JAKMIP3: variants seen among roughly 807,000 people sequenced by gnomAD.
The protein encoded by JAKMIP3 is Janus kinase and microtubule interacting protein 3.
JAKMIP3 carries 58 observed loss-of-function variants against 118.5 expected under a neutral mutation model. The observed-to-expected ratio is 0.49, with a 90% confidence interval of 0.40 to 0.61. The LOEUF (loss-of-function observed/expected upper bound fraction) is 0.61. Ranked by LOEUF, JAKMIP3 falls within the 20% of genes least tolerant of loss-of-function variation. The pLI, the probability that JAKMIP3 is intolerant of heterozygous loss-of-function variation, is 0.00. For missense variants in JAKMIP3, 950 were observed against 1,109.0 expected (o/e 0.86, Z 2.04); for synonymous variants, 486 against 451.2 (o/e 1.08, Z -0.98).
Position 132,163,083 on chromosome 10 carries a change from C to T in JAKMIP3, c.2221-126C>T, listed in dbSNP as rs549081736. The T allele has an allele frequency of 1.8e-4, 156 of 886,810 alleles. 2 individuals carry two copies. Among genetic ancestry groups the T allele is most frequent in the African/African-American group, 1.5e-3 (90 of 60,590 alleles). The allele number at this position is 886,810 out of a possible 1,614,324, so 54.9% of individuals were successfully genotyped here. A position where few individuals can be genotyped will look rare whatever the true frequency, so the allele number is the denominator to read the frequency against. On this transcript the variant is annotated intron_variant, in intron 19 of 23. Transcript: ENST00000684848. ...TTCTGCAGAGGCCACAGCACTGGGTCCCTCCCTGTTGCATATCCTCTTGGC... is the reference window on the plus strand; with the variant it reads ...TTCTGCAGAGGCCACAGCACTGGGTTCCTCCCTGTTGCATATCCTCTTGGC...
intron 2 of JAKMIP3, among the ~76,000 whole-genome samples, chr10:132,107,297 C>T (rs575567351): frequency 6.6e-6 from 1 of 152,352 alleles, no homozygotes; most frequent in Admixed American, 6.5e-5. Flanking sequence ...ATTTTTTGTG[C>T]AGTTTTGCCA....
intron 4 of JAKMIP3, 123 bp from the exon 5 acceptor site, chr10:132,134,918 C>T (rs1285565669): frequency 1.4e-5 from 17 of 1,234,044 alleles, no homozygotes; most frequent in Non-Finnish European, 1.9e-5. Flanking sequence ...TTCCCGGCAG[C>T]CGCGTGGAGG....
chr10:132,076,358 G>A (rs1400266963), intron 1 of JAKMIP3, among the ~76,000 whole-genome samples: 1 of 152,266 alleles, frequency 6.6e-6, no homozygotes, highest in Non-Finnish European at 1.5e-5. Flanking sequence ...TTTCATTGCT[G>A]GAATAATATC....
chr10:132,180,708 CGCGTGTGTGT>C lies in JAKMIP3; in HGVS notation c.*1104-1629_*1104-1620del, dbSNP rs1365047555. On this transcript the variant is annotated intron_variant, in intron 23 of 23. Coordinates refer to ENST00000684848, the MANE Select transcript of JAKMIP3 (RefSeq NM_001323087.2). ...GTGTGTGTGCGTGCGTGTGTGTGTG[CGCGTGTGTGT>C]GCGTGTGTGTGCGTGTGTGCGTGCG... Among the ~76,000 whole-genome samples, 8 of 12,744 alleles carry C rather than the reference CGCGTGTGTGT, an allele frequency of 6.3e-4. 3 individuals carry two copies. The highest frequency in any genetic ancestry group is 0.045 in the Middle Eastern group (1 of 22). 8.4% of individuals were successfully genotyped at this position (12,744 alleles called of 152,430 possible).
At position 132,104,913 on chromosome 10, in the gene JAKMIP3, C is replaced by T. The variant is rs746152484; in HGVS notation, c.105C>T (p.Ile35=). The T allele has an allele frequency of 2.5e-5, 40 of 1,590,908 alleles. No homozygotes were observed. Among genetic ancestry groups the T allele is most frequent in the South Asian group, 1.3e-4 (11 of 87,140 alleles). ...ATCTTCGAGCCAAGCTCACAGACATCCAGATCGAGCTGCAGCAGGAGAAGA... is the reference window on the plus strand; with the variant it reads ...ATCTTCGAGCCAAGCTCACAGACATTCAGATCGAGCTGCAGCAGGAGAAGA... ...NEDLRAKLTD[I]QIELQQEKSK... The change falls in exon 2 of 24, where the codon ATC becomes ATT. Residue 35 remains isoleucine, a synonymous_variant. Coordinates refer to ENST00000684848, the MANE Select transcript of JAKMIP3 (RefSeq NM_001323087.2).
chr10:132,095,762 G>A (rs1259170995), intron 1 of JAKMIP3, among the ~76,000 whole-genome samples: 1 of 152,198 alleles, frequency 6.6e-6, no homozygotes, highest in Non-Finnish European at 1.5e-5. Context: ...TCCTCCTCCT[G>A]GGTGTTTACT....
chr10:132,180,825 T>C (rs989878292), intron 23 of JAKMIP3, among the ~76,000 whole-genome samples: 1 of 148,994 alleles, frequency 6.7e-6, no homozygotes, highest in Non-Finnish European at 1.5e-5. Context: ...TGTATGCATG[T>C]GTGTATATAT....
At chr10:132,114,319 A>G in intron 2 of JAKMIP3, among the ~76,000 whole-genome samples, 1 of 152,236 alleles carries the variant, frequency 6.6e-6, no homozygotes, top group Admixed American at 6.5e-5. Flanking sequence ...GGCTCAAGCA[A>G]TCCTCCCACT....
intron 19 of JAKMIP3, among the ~76,000 whole-genome samples, chr10:132,159,539 AG>A (rs2057632468): frequency 1.9e-4 from 5 of 25,958 alleles, no homozygotes; most frequent in Non-Finnish European, 2.2e-4. Flanking sequence ...TGATGCTGGG[AG>A]GGTCTCTCCC....
At chr10:132,068,761 T>G (rs2039345024) in intron 1 of JAKMIP3, among the ~76,000 whole-genome samples, 1 of 152,166 alleles carries the variant, frequency 6.6e-6, no homozygotes, top group Non-Finnish European at 1.5e-5. Context: ...GGAGCTGAGT[T>G]CTTGATTGCC....
chr10:132,180,646 CGTGTGCGT>C (rs1234187343), intron 23 of JAKMIP3, among the ~76,000 whole-genome samples: 5 of 8,312 alleles, frequency 6.0e-4, no homozygotes, highest in Admixed American at 1.1e-3. Flanking sequence ...TGCGTGTGTG[CGTGTGCGT>C]GTGCGTGTGT....
intron 2 of JAKMIP3, among the ~76,000 whole-genome samples, chr10:132,113,476 C>T (rs2047172172): frequency 6.6e-6 from 1 of 152,238 alleles, no homozygotes. Flanking sequence ...ACAAAGCGGC[C>T]ACCTGGCTGT....
At chr10:132,062,249 G>A (rs980156967), upstream of JAKMIP3, among the ~76,000 whole-genome samples, 1 of 152,232 alleles carries the variant, frequency 6.6e-6, no homozygotes, top group Non-Finnish European at 1.5e-5. Context: ...TCAGGCTTGG[G>A]AGGTGTCGGG....
chr10:132,071,068 A>G (rs1302592943), intron 1 of JAKMIP3, among the ~76,000 whole-genome samples: 2 of 152,050 alleles, frequency 1.3e-5, no homozygotes, highest in South Asian at 2.1e-4. Flanking sequence ...GTGTCCTGCA[A>G]CTTCTGGTAT....
rs1041858138 is a variant in JAKMIP3 at position 132,057,406 on chromosome 10, C to T, written c.-138+20668C>T. ...TCCTGTGGTTCCAGGAAGCCCAGAG[C>T]CCAGCGTGGGCAGGAGCACGCCGCC... On this transcript the variant is annotated intron_variant, in intron 1 of 23. Coordinates refer to the JAKMIP3 transcript ENST00000657785. Among the ~76,000 whole-genome samples the T allele has an allele frequency of 3.3e-5, 5 of 152,334 alleles. No homozygotes were observed. In the South Asian group the frequency reaches 1.0e-3, roughly 32 times the overall value.
At chr10:132,158,435 C>G (rs1357445141) in intron 19 of JAKMIP3, among the ~76,000 whole-genome samples, 1 of 152,228 alleles carries the variant, frequency 6.6e-6, no homozygotes, top group Non-Finnish European at 1.5e-5. Context: ...CCAGCTTCAG[C>G]TTTCTGTGAG....
At position 132,168,114 on chromosome 10, in the gene JAKMIP3, G is replaced by A. The variant is rs763798189; in HGVS notation, c.*184G>A. On this transcript the variant is annotated 3_prime_UTR_variant, in exon 23 of 24. Transcript: ENST00000684848. ...GCAGTGTGTGGGGCGTGGAGCTGCC[G>A]TCCACGTGGGATGTGCCAGAACTAG... 2.7e-5 allele frequency: 35 copies of A among 1,288,436 alleles called. No homozygotes were observed. Among genetic ancestry groups the A allele is most frequent in the East Asian group, 5.6e-5 (1 of 17,984 alleles). The allele number at this position is 1,288,436 out of a possible 1,614,324, so 79.8% of individuals were successfully genotyped here. A position where few individuals can be genotyped will look rare whatever the true frequency, so the allele number is the denominator to read the frequency against.
chr10:132,064,444 C>G (rs887757718), upstream of JAKMIP3, among the ~76,000 whole-genome samples: 1 of 152,140 alleles, frequency 6.6e-6, no homozygotes, highest in Non-Finnish European at 1.5e-5. This position sits in a 1 kb window ranked among gnomAD's most constrained non-coding sequence, Gnocchi z 4.4. Context: ...GACCCCGAGC[C>G]GCCGGCATGG....
intron 20 of JAKMIP3, among the ~76,000 whole-genome samples, 199 bp from the exon 21 acceptor site, chr10:132,164,471 G>T (rs1195537780): frequency 6.6e-6 from 1 of 152,244 alleles, no homozygotes; most frequent in African/African-American, 2.4e-5. Context: ...ACCACGGGGA[G>T]TGTGGCATGG....
Sources: gnomAD v4.1 joint callset for allele counts (sites outside exome capture counted in the v4.1 genomes callset) on GRCh38, gnomAD v4.1.1 for gene constraint, Gnocchi (gnomAD v3.1) non-coding constraint, MANE v1.5 for transcripts, NCBI Gene and HGNC (gene_info 2026-07-23, HGNC 2026-07-21) for gene names.